Variants in GPALPP1 observed in about 807,000 individuals in gnomAD.
The protein encoded by GPALPP1 is GPALPP motifs containing 1, also known as GPALPP motifs-containing protein 1.
In GPALPP1, 30 loss-of-function variants were observed where a neutral mutation model predicts 38.9. The ratio of observed to expected loss-of-function variants is 0.77; its 90% CI spans 0.58 to 1.05. The LOEUF is 1.05. Ranked by LOEUF, GPALPP1 falls within the 50% of genes least tolerant of loss-of-function variation. The pLI is 0.00. For missense variants in GPALPP1, 384 were observed against 408.8 expected, an observed-to-expected ratio of 0.94 and a Z score of 0.52; for synonymous variants, 120 against 139.2, an observed-to-expected ratio of 0.86 and a Z score of 0.97.
Position 45,016,884 on chromosome 13 carries a change from A to G in GPALPP1, c.705+1288A>G, listed in dbSNP as rs566469757. 1.6e-4 allele frequency among the ~76,000 whole-genome samples: 25 copies of G among 152,312 alleles called. No individual in the cohort carries two copies. The East Asian group carries it at 4.1e-3, about 25-fold the overall frequency. On this transcript the variant is annotated intron_variant, in intron 6 of 7. Transcript: ENST00000379151. ...AGTCTCAAACTCCTGGGCTCAAGCA[A>G]TCCTCCCAAAGTGCTGGGATTACAG... is the stretch of plus-strand genomic sequence containing the variant.
At chr13:44,990,113 A>G (rs141122267) in intron 1 of GPALPP1, 33 of 421,196 alleles carry the variant, frequency 7.8e-5, no homozygotes, top group African/African-American at 5.3e-4. Context: ...TCATACTGCT[A>G]GCAAGTGATG....
At chr13:45,001,985 C>T (rs1337763025) in intron 1 of GPALPP1, 1 of 152,408 alleles carries the variant, frequency 6.6e-6, no homozygotes, top group Non-Finnish European at 1.5e-5. Context: ...CTGGCCCACA[C>T]CATTTTTTAT....
intron 4 of GPALPP1, among the ~76,000 whole-genome samples, chr13:45,012,854 T>G (rs1874579261): frequency 1.3e-5 from 2 of 152,148 alleles, no homozygotes; most frequent in Non-Finnish European, 2.9e-5. Context: ...ACCCCCAAAT[T>G]AAGACATACA....
At position 44,989,563 on chromosome 13, in the gene GPALPP1, G is replaced by A. The variant is rs1566068165; in HGVS notation, c.-92G>A. On this transcript the variant is annotated 5_prime_UTR_variant, in exon 1 of 8. Transcript: ENST00000379151. The stretch of plus-strand genomic sequence containing the variant: ...GTCATTTCTCGGCGCCGGGAAACCT[G>A]CCATTCTTCGCTGCTGATCGCGGGA... The A allele has an allele frequency of 2.0e-6, 3 of 1,479,276 alleles. No individual in the cohort carries two copies. The highest frequency in any genetic ancestry group is 1.4e-5 in the African/African-American group (1 of 71,860). 91.6% of individuals were successfully genotyped at this position (1,479,276 alleles called of 1,614,324 possible). A position where few individuals can be genotyped will look rare whatever the true frequency, so the allele number is the denominator to read the frequency against.
intron 3 of GPALPP1, among the ~76,000 whole-genome samples, chr13:45,007,262 C>T (rs1175369712): frequency 1.3e-5 from 2 of 152,012 alleles, no homozygotes; most frequent in African/African-American, 4.8e-5. Context: ...TTTAAGAAAA[C>T]ATATTACTTA....
downstream of GPALPP1, chr13:45,031,791 C>T (rs1876209212): frequency 6.6e-6 from 1 of 152,188 alleles, no homozygotes; most frequent in South Asian, 2.1e-4. Flanking sequence ...CATCCCCTCC[C>T]CACTTCCAAA....
In GPALPP1 at chr13:44,989,741, T is replaced by C; in HGVS notation, c.87T>C (p.Pro29=). The C allele has an allele frequency of 6.2e-7, 1 of 1,606,372 alleles. No homozygotes were observed. The highest frequency in any genetic ancestry group is 8.5e-7 in the Non-Finnish European group (1 of 1,178,348). ...TAEDEERDPS[P]VAGPALPPNY... ...AGGACGAAGAGCGGGACCCGAGCCC[T>C]GGTAAGCGGCGGCGTCTCCGCTGCC... The change falls in exon 1 of 8, where the codon CCT becomes CCC. Residue 29 remains proline (P), a splice_region_variant and synonymous_variant. Transcript: ENST00000379151.
rs1306032789 is a variant in GPALPP1, at chr13:45,029,903, C to G, written c.*1900C>G. On this transcript the variant is annotated 3_prime_UTR_variant, in exon 8 of 8. Transcript: ENST00000379151. ...AGTTAGTATTTCTAGGGGAGGCAAT[C>G]AAGATAAGATATGCCATTAACTGTT... 1 of 152,168 alleles carries G rather than the reference C, an allele frequency of 6.6e-6. No homozygotes were observed. The highest frequency in any genetic ancestry group is 2.4e-5 in the African/African-American group (1 of 41,438). 9.4% of individuals were successfully genotyped at this position (152,168 alleles called of 1,614,324 possible). A position where few individuals can be genotyped will look rare whatever the true frequency, so the allele number is the denominator to read the frequency against.
chr13:44,990,396 C>T (rs1872709475), intron 1 of GPALPP1: 1 of 157,652 alleles, frequency 6.3e-6, no homozygotes, highest in Non-Finnish European at 1.4e-5. Flanking sequence ...ACTTAAATGT[C>T]ACACCAATAA....
rs34893767 is a variant in GPALPP1, at chr13:45,019,879, A to ATTTTTTTT, written c.706-435_706-428dup. Among the ~76,000 whole-genome samples the ATTTTTTTT allele has an allele frequency of 1.5e-3, 130 of 85,576 alleles. 2 individuals carry two copies. The highest frequency in any genetic ancestry group is 2.1e-3 in the African/African-American group (44 of 20,718). 56.1% of individuals were successfully genotyped at this position (85,576 alleles called of 152,430 possible). On this transcript the variant is annotated intron_variant, in intron 6 of 7. Coordinates refer to ENST00000379151, the MANE Select transcript of GPALPP1 (RefSeq NM_018559.5). ...TCTTATCAAGTATGTTAATATTTTG[A>ATTTTTTTT]TTTTTTTTTTTTTTTTTTTTTTTGA...
At chr13:45,024,176 T>C (rs962332069) in intron 7 of GPALPP1, among the ~76,000 whole-genome samples, 24 of 134,274 alleles carry the variant, frequency 1.8e-4, no homozygotes, top group East Asian at 6.9e-4. Flanking sequence ...TGTGTGTGTG[T>C]GTGTGTGTGT....
rs116567928 is a variant in GPALPP1, at chr13:45,020,186, T to C, written c.706-144T>C. ...GTGAGTCACTATGCCCGGCAAAGTA[T>C]GTTAATATTTCTGATCAGAAGGGAT... On this transcript the variant is annotated intron_variant, in intron 6 of 7. Transcript: ENST00000379151. 6.4e-3 allele frequency: 3,130 copies of C among 485,310 alleles called. 97 individuals are homozygous for C. Among genetic ancestry groups the C allele is most frequent in the African/African-American group, 0.056 (2,708 of 48,588 alleles). 30.1% of individuals were successfully genotyped at this position (485,310 alleles called of 1,614,324 possible).
Position 45,014,937 on chromosome 13 carries a change from G to A in GPALPP1, c.409-15G>A. 1 of 1,565,750 alleles carries A rather than the reference G, an allele frequency of 6.4e-7. No homozygotes were observed. Among genetic ancestry groups the A allele is most frequent in the Non-Finnish European group, 8.6e-7 (1 of 1,156,742 alleles). On this transcript the variant is annotated splice_polypyrimidine_tract_variant and intron_variant, in intron 4 of 7. Coordinates refer to ENST00000379151, the MANE Select transcript of GPALPP1 (RefSeq NM_018559.5). ...GCTCTGCTCTTGGTTTAAAGGTAAT[G>A]TCTTGTTTTAAAAGGAAACAGACAG... is the stretch of plus-strand genomic sequence containing the variant.
At chr13:45,031,387 A>T (rs1876189489), downstream of GPALPP1, 1 of 152,202 alleles carries the variant, frequency 6.6e-6, no homozygotes, top group Non-Finnish European at 1.5e-5. Context: ...CCTCTTCCTT[A>T]TGTAAATTCT....
chr13:45,005,823 G>C (rs1177199210), intron 2 of GPALPP1, among the ~76,000 whole-genome samples: 1 of 151,958 alleles, frequency 6.6e-6, no homozygotes, highest in South Asian at 2.1e-4. Context: ...TCAGGAGTTC[G>C]AGACCAGCCT....
Position 44,989,672 on chromosome 13 carries a change from C to G in GPALPP1, c.18C>G (p.Ile6Met). Residue 6 changes from isoleucine to methionine, a missense_variant, in exon 1 of 8, where the codon ATC becomes ATG. Transcript: ENST00000379151. MARDL[I>M]GPALPPGFKA... is the part of the protein sequence containing the mutation. ...CACCGCGGATGGCAAGAGACCTGAT[C>G]GGACCGGCCCTGCCGCCCGGCTTCA... The G allele has an allele frequency of 6.2e-7, 1 of 1,612,640 alleles. No homozygotes were observed. Among genetic ancestry groups the G allele is most frequent in the Non-Finnish European group, 8.5e-7 (1 of 1,179,718 alleles).
intron 7 of GPALPP1, among the ~76,000 whole-genome samples, chr13:45,025,559 T>C (rs1410092628): frequency 6.6e-6 from 1 of 152,140 alleles, no homozygotes; most frequent in African/African-American, 2.4e-5. Flanking sequence ...CTAAATCCTG[T>C]GTATTCATTA....
At chr13:45,032,255 T>C (rs1386284021), downstream of GPALPP1, 1 of 151,610 alleles carries the variant, frequency 6.6e-6, no homozygotes. Flanking sequence ...GTAAATTAAG[T>C]CTTGCTCTAA....
chr13:45,015,060 G>T lies in GPALPP1; in HGVS notation c.517G>T (p.Glu173Ter). The change falls in exon 5 of 8, where the codon GAA becomes TAA. Residue 173 changes from glutamate (E) to a stop codon, truncating the protein, a stop_gained. Transcript: ENST00000379151. LOFTEE classifies it high-confidence loss of function. ...EFEKRAQRMKEKLTKGDDDSS... is the reference protein window; with the variant it reads ...EFEKRAQRMK ...TGAAAAAAGGGCCCAGAGAATGAAA[G>T]AAAAACTGACCAAAGGAGATGATGT... 6.7e-7 allele frequency: 1 copy of T among 1,498,660 alleles called. No homozygotes were observed. Among genetic ancestry groups the T allele is most frequent in the Non-Finnish European group, 9.2e-7 (1 of 1,083,430 alleles). 92.8% of individuals were successfully genotyped at this position (1,498,660 alleles called of 1,614,324 possible). A position where few individuals can be genotyped will look rare whatever the true frequency, so the allele number is the denominator to read the frequency against.
Sources: allele counts gnomAD v4.1 joint callset (sites outside exome capture counted in the v4.1 genomes callset), GRCh38; gene constraint gnomAD v4.1.1; transcripts MANE v1.5; gene names NCBI Gene and HGNC (gene_info 2026-07-23, HGNC 2026-07-21).